ZCCHC14: variants seen among roughly 807,000 people sequenced by gnomAD.
ZCCHC14 encodes the protein zinc finger CCHC-type containing 14.
A neutral mutation model predicts 85.0 loss-of-function variants in ZCCHC14; 16 were observed. The observed-to-expected ratio is 0.19, with a 90% CI of 0.13 to 0.29. The LOEUF (loss-of-function observed/expected upper bound fraction) is 0.29, where lower values mean the gene tolerates loss of function less well. ZCCHC14 is among the 10% of genes least tolerant of loss of function. The probability of loss-of-function intolerance (pLI) is 1.00; values close to 1 mark genes in which losing one functional copy is unlikely to be tolerated. For synonymous variants in ZCCHC14, 775 were observed against 630.7 expected (o/e 1.23, Z -3.43); for missense variants, 1,303 against 1,443.5 (o/e 0.90, Z 1.58).
At chr16:87,459,931 A>G (rs1162829384) in intron 2 of ZCCHC14, 77 bp downstream of exon 2, 1 of 1,593,262 alleles carries the variant, frequency 6.3e-7, no homozygotes, top group African/African-American at 1.3e-5. Flanking sequence ...AGCATTTAAC[A>G]ATGCCCTCAC....
chr16:87,458,618 C>A lies in ZCCHC14; in HGVS notation c.694+1390G>T, dbSNP rs577143662. 5.3e-5 allele frequency among the ~76,000 whole-genome samples: 8 copies of A among 152,220 alleles called. No homozygotes were observed. The East Asian group carries it at 1.5e-3, about 29-fold the overall frequency. Reference sequence around the variant, plus strand: ...ATCTAAATCAGAGACAGGTGGCTCTCGATGGCGTTGTCAGAACGGGACTTT... The same window carrying A: ...ATCTAAATCAGAGACAGGTGGCTCTAGATGGCGTTGTCAGAACGGGACTTT... On this transcript the variant is annotated intron_variant, in intron 2 of 12. Coordinates refer to ENST00000671377, the MANE Select transcript of ZCCHC14 (RefSeq NM_015144.3).
rs536656200 is a variant in ZCCHC14 at position 87,467,260 on chromosome 16, C to G, written c.571-7129G>C. 3.2e-6 allele frequency: 5 copies of G among 1,577,224 alleles called. No individual in the cohort carries two copies. The Admixed American group carries it at 8.4e-5, about 26-fold the overall frequency. ...CTCTCGTTTTACCGGACACTAAACC[C>G]AAAATTAAGGATAATGGAGATCTGG... On this transcript the variant is annotated intron_variant, in intron 1 of 12. Coordinates refer to ENST00000671377, the MANE Select transcript of ZCCHC14 (RefSeq NM_015144.3).
At chr16:87,431,050 G>A (rs1657360744) in intron 3 of ZCCHC14, among the ~76,000 whole-genome samples, 1 of 151,816 alleles carries the variant, frequency 6.6e-6, no homozygotes, top group South Asian at 2.1e-4. Flanking sequence ...AAGGTGAGGG[G>A]ACTGCTTAAG....
chr16:87,441,898 C>A (rs9928823), intron 2 of ZCCHC14, among the ~76,000 whole-genome samples: 6,783 of 152,278 alleles, frequency 0.045, 224 homozygotes, highest in African/African-American at 0.077. Flanking sequence ...GGGAGACGCT[C>A]CTCTCTGATG....
intron 1 of ZCCHC14, among the ~76,000 whole-genome samples, chr16:87,474,756 G>T (rs188321149): frequency 3.3e-5 from 5 of 152,324 alleles, no homozygotes; most frequent in African/African-American, 1.2e-4. Context: ...GCTGGAAAGC[G>T]ACAGGAGAAA....
intron 1 of ZCCHC14, among the ~76,000 whole-genome samples, chr16:87,478,661 C>T (rs1478742233): frequency 9.9e-5 from 15 of 151,124 alleles, no homozygotes; most frequent in African/African-American, 3.7e-4. Flanking sequence ...GGCTGGAGTG[C>T]AGTGGCGCCA....
chr16:87,465,455 T>A (rs543222165), intron 1 of ZCCHC14, among the ~76,000 whole-genome samples: 2 of 152,340 alleles, frequency 1.3e-5, no homozygotes, highest in Admixed American at 1.3e-4. Context: ...GAATGAAATA[T>A]GACTCTGAAG....
At chr16:87,410,448 C>T in intron 12 of ZCCHC14, 113 bp from the exon 13 acceptor site, 1 of 564,224 alleles carries the variant, frequency 1.8e-6, no homozygotes, top group East Asian at 3.0e-5. Context: ...TGCTGGAAAT[C>T]TAGGCCACCC....
At chr16:87,476,902 A>C (rs1011503053) in intron 1 of ZCCHC14, among the ~76,000 whole-genome samples, 36 of 152,026 alleles carry the variant, frequency 2.4e-4, no homozygotes, top group African/African-American at 7.0e-4. Flanking sequence ...TGAGGAGGGC[A>C]GATCACAAGG....
At chr16:87,475,912 A>G (rs779433084) in intron 1 of ZCCHC14, among the ~76,000 whole-genome samples, 1 of 152,104 alleles carries the variant, frequency 6.6e-6, no homozygotes, top group Non-Finnish European at 1.5e-5. Flanking sequence ...CAGGACACCA[A>G]ATAAGATAAA....
intron 2 of ZCCHC14, among the ~76,000 whole-genome samples, chr16:87,441,432 C>CT (rs977095971): frequency 4.0e-5 from 6 of 151,442 alleles, no homozygotes; most frequent in South Asian, 2.1e-4. Context: ...AAGTCCATTT[C>CT]TTTTTTTTTG....
At chr16:87,482,954 A>G (rs1912353150) in intron 1 of ZCCHC14, among the ~76,000 whole-genome samples, 1 of 152,186 alleles carries the variant, frequency 6.6e-6, no homozygotes. Context: ...GCATATGTAT[A>G]ATATGTATGA....
chr16:87,423,963 C>T, intron 3 of ZCCHC14, 82 bp from the exon 4 acceptor site: 1 of 1,471,062 alleles, frequency 6.8e-7, no homozygotes, highest in Non-Finnish European at 9.3e-7. Context: ...ACGACTGGGG[C>T]ACACGTTCAG....
At chr16:87,453,736 CT>C (rs1910821695) in intron 2 of ZCCHC14, among the ~76,000 whole-genome samples, 3 of 152,182 alleles carry the variant, frequency 2.0e-5, no homozygotes, top group Admixed American at 6.5e-5. Flanking sequence ...GCTGGAAACT[CT>C]ATAATCACAC....
intron 1 of ZCCHC14, among the ~76,000 whole-genome samples, chr16:87,465,756 C>CT (rs1414300632): frequency 6.6e-5 from 10 of 152,198 alleles, no homozygotes; most frequent in African/African-American, 2.4e-4. Context: ...GATAATGCTG[C>CT]TGCATGAATA....
intron 1 of ZCCHC14, among the ~76,000 whole-genome samples, chr16:87,483,613 C>T (rs1442425363): frequency 6.6e-6 from 1 of 152,228 alleles, no homozygotes; most frequent in South Asian, 2.1e-4. Context: ...CCTTTATCAA[C>T]TCCTAAGATA....
chr16:87,459,391 C>T (rs1277765826), intron 2 of ZCCHC14, among the ~76,000 whole-genome samples: 3 of 151,746 alleles, frequency 2.0e-5, no homozygotes, highest in African/African-American at 7.3e-5. Flanking sequence ...GTCACCCAGA[C>T]TGGAGGGCAG....
chr16:87,473,561 T>C (rs2150770269), intron 1 of ZCCHC14: 1 of 152,334 alleles, frequency 6.6e-6, no homozygotes, highest in Non-Finnish European at 1.5e-5. Flanking sequence ...ATTGTGAATA[T>C]TTGGCCAGGA....
At chr16:87,445,335 G>A (rs187607638) in intron 2 of ZCCHC14, among the ~76,000 whole-genome samples, 9 of 152,256 alleles carry the variant, frequency 5.9e-5, no homozygotes, top group East Asian at 5.8e-4. Flanking sequence ...AAAGTGCTGC[G>A]ATTACAGGCG....
Sources: allele counts gnomAD v4.1 joint callset (sites outside exome capture counted in the v4.1 genomes callset), GRCh38; gene constraint gnomAD v4.1.1; transcripts MANE v1.5; gene names NCBI Gene and HGNC (gene_info 2026-07-23, HGNC 2026-07-21).